Variants in ZNF486 observed in about 807,000 individuals in gnomAD.
ZNF486 encodes zinc finger protein 486.
Under a neutral mutation model 12.8 loss-of-function variants are expected in ZNF486, and 12 were observed. The ratio of observed to expected loss-of-function variants is 0.94; its 90% CI spans 0.60 to 1.52. The LOEUF (loss-of-function observed/expected upper bound fraction) is 1.52. Ranked by LOEUF, ZNF486 falls within the 40% of genes most tolerant of loss-of-function variation. ZNF486 has a pLI of 0.00. For synonymous variants in ZNF486, 231 were observed against 184.9 expected, an observed-to-expected ratio of 1.25 and a Z score of -2.02; for missense variants, 738 against 545.0, an observed-to-expected ratio of 1.35 and a Z score of -3.53.
chr19:20,184,482 G>C lies in ZNF486; in HGVS notation c.157G>C (p.Gly53Arg). 1 of 1,601,558 alleles carries C rather than the reference G, an allele frequency of 6.2e-7. No homozygotes were observed. The highest frequency in any genetic ancestry group is 1.1e-5 in the South Asian group (1 of 88,626). Residue 53 changes from glycine to arginine, a missense_variant and splice_region_variant, in exon 2 of 4, where the codon GGT becomes CGT. Transcript: ENST00000335117. ...GAACTACAGACACCTGGTCTTCCTT[G>C]GTGAGGATAACTTAAATACATAATT... ...LENYRHLVFL[G>R]IIVSKPDLIT...
intron 3 of ZNF486, among the ~76,000 whole-genome samples, chr19:20,196,577 A>G (rs147295103): frequency 1.2e-3 from 179 of 152,284 alleles, no homozygotes; most frequent in African/African-American, 4.1e-3. Context: ...TGATTCACCC[A>G]TCTCAGCCTC....
intron 3 of ZNF486, among the ~76,000 whole-genome samples, chr19:20,196,049 C>T (rs2089955280): frequency 6.6e-6 from 1 of 152,214 alleles, no homozygotes; most frequent in Admixed American, 6.5e-5. Context: ...GACAGAGTCT[C>T]ATTCTGTTAC....
At chr19:20,185,928 A>C (rs1298415438) in intron 2 of ZNF486, 59 bp from the exon 3 acceptor site, 10 of 1,087,298 alleles carry the variant, frequency 9.2e-6, no homozygotes, top group Non-Finnish European at 1.1e-5. Context: ...TGAGCACATT[A>C]CTAGCTTGTA....
intron 1 of ZNF486, 125 bp downstream of exon 1, chr19:20,167,485 C>A (rs1231535421): frequency 7.8e-6 from 9 of 1,160,118 alleles, no homozygotes; most frequent in Admixed American, 2.3e-5. Context: ...CCTTACCCAG[C>A]TCGGCCTCAG....
rs1599723008 is a variant in ZNF486, at chr19:20,200,094, G to C, written c.*1992G>C. On this transcript the variant is annotated 3_prime_UTR_variant, in exon 4 of 4. Coordinates refer to ENST00000335117, the MANE Select transcript of ZNF486 (RefSeq NM_052852.4). ...CCATCTCAAAAAAAAAAGTGTATTT[G>C]TTTCCTTAAAAAAATTTTTCTGAAA... 6.6e-6 allele frequency: 1 copy of C among 151,414 alleles called. No homozygotes were observed. Among genetic ancestry groups the C allele is most frequent in the Non-Finnish European group, 1.5e-5 (1 of 67,644 alleles). 9.4% of individuals were successfully genotyped at this position (151,414 alleles called of 1,614,324 possible).
intron 3 of ZNF486, among the ~76,000 whole-genome samples, chr19:20,186,302 G>A (rs1213214118): frequency 2.6e-5 from 4 of 151,860 alleles, no homozygotes; most frequent in Non-Finnish European, 1.5e-5. Flanking sequence ...CTATTCTTTC[G>A]GTGAGCTTCC....
At chr19:20,171,280 G>C (rs2089645110) in intron 1 of ZNF486, among the ~76,000 whole-genome samples, 1 of 152,154 alleles carries the variant, frequency 6.6e-6, no homozygotes, top group African/African-American at 2.4e-5. Flanking sequence ...TCTTCTCCCA[G>C]GGTGACAGAG....
rs948260619 is a variant in ZNF486, at chr19:20,170,091, C to T, written c.30+2731C>T. 1.5e-4 allele frequency among the ~76,000 whole-genome samples: 22 copies of T among 151,250 alleles called. 1 individual carries two copies. Among genetic ancestry groups the T allele is most frequent in the Non-Finnish European group, 1.8e-4 (12 of 67,704 alleles). ...TATTTTTAGTAGAGACGGGTTTCAC[C>T]GTGTTAGCCAGGATGGTCTCGATCT... is the stretch of plus-strand genomic sequence containing the variant. On this transcript the variant is annotated intron_variant, in intron 1 of 3. Transcript: ENST00000335117.
At chr19:20,169,944 G>T (rs924098441) in intron 1 of ZNF486, among the ~76,000 whole-genome samples, 5 of 145,092 alleles carry the variant, frequency 3.4e-5, no homozygotes, top group African/African-American at 1.0e-4. Flanking sequence ...AGGCTGGAGT[G>T]CAGTGGCGCG....
At position 20,167,455 on chromosome 19, in the gene ZNF486, C is replaced by G; in HGVS notation, c.30+95C>G. ...TCAGGCCTCCCCGTAGTCAGCTCCA[C>G]AATCTGCGTCCGGACTTCTCCTTAC... On this transcript the variant is annotated intron_variant, in intron 1 of 3. Transcript: ENST00000335117. The G allele has an allele frequency of 6.3e-6, 9 of 1,426,092 alleles. 2 individuals carry two copies. In the South Asian group the frequency reaches 1.1e-4, roughly 18 times the overall value. The allele number at this position is 1,426,092 out of a possible 1,614,324, so 88.3% of individuals were successfully genotyped here.
At chr19:20,186,307 G>A (rs1555716435) in intron 3 of ZNF486, among the ~76,000 whole-genome samples, 1 of 152,132 alleles carries the variant, frequency 6.6e-6, no homozygotes, top group Non-Finnish European at 1.5e-5. Flanking sequence ...CTTTCGGTGA[G>A]CTTCCTTCAA....
At chr19:20,169,399 G>A (rs1470957401) in intron 1 of ZNF486, among the ~76,000 whole-genome samples, 2 of 152,020 alleles carry the variant, frequency 1.3e-5, no homozygotes, top group African/African-American at 4.8e-5. Context: ...TTGCGCCACC[G>A]CGCCCGGCCA....
At chr19:20,191,010 A>G (rs1555717109) in intron 3 of ZNF486, among the ~76,000 whole-genome samples, 1 of 152,086 alleles carries the variant, frequency 6.6e-6, no homozygotes, top group Non-Finnish European at 1.5e-5. Context: ...AAGAACCTGG[A>G]TCCTTCACCT....
intron 1 of ZNF486, among the ~76,000 whole-genome samples, chr19:20,167,671 A>G (rs781928195): frequency 6.6e-6 from 1 of 152,080 alleles, no homozygotes; most frequent in Non-Finnish European, 1.5e-5. Flanking sequence ...ATCAGGGGAG[A>G]ATCTTGACTC....
chr19:20,184,189 A>G (rs1175565931), intron 1 of ZNF486, among the ~76,000 whole-genome samples, 167 bp from the exon 2 acceptor site: 1 of 152,118 alleles, frequency 6.6e-6, no homozygotes, highest in African/African-American at 2.4e-5. Flanking sequence ...TTTTTCAGAG[A>G]TAGAGAATAC....
intron 1 of ZNF486, among the ~76,000 whole-genome samples, chr19:20,173,018 G>T (rs781899725): frequency 2.6e-5 from 4 of 152,122 alleles, no homozygotes; most frequent in African/African-American, 4.8e-5. Context: ...TTTGTAGATT[G>T]TTTACTCTGT....
At chr19:20,181,638 G>A (rs1452962788) in intron 1 of ZNF486, among the ~76,000 whole-genome samples, 2 of 151,952 alleles carry the variant, frequency 1.3e-5, no homozygotes, top group South Asian at 2.1e-4. Context: ...ATTCTATTTA[G>A]CAACTTGTTT....
chr19:20,176,969 T>A (rs1555714927), intron 1 of ZNF486: 1 of 152,232 alleles, frequency 6.6e-6, no homozygotes, highest in Non-Finnish European at 1.5e-5. Flanking sequence ...CTTGTCACCA[T>A]TATAAGTAGA....
chr19:20,186,132 C>T lies in ZNF486; in HGVS notation c.253+50C>T, dbSNP rs2089843367. On this transcript the variant is annotated intron_variant, in intron 3 of 3. Transcript: ENST00000335117. ...AACAGACAATGCAGATAAGAGGTCC[C>T]AAGGTCAAAAAGAAAGCCAGTCCTT... 2 of 1,438,984 alleles carry T rather than the reference C, an allele frequency of 1.4e-6. 1 individual carries two copies. The highest frequency in any genetic ancestry group is 2.9e-5 in the South Asian group (2 of 69,016). 89.1% of individuals were successfully genotyped at this position (1,438,984 alleles called of 1,614,324 possible).
Sources: gnomAD v4.1 joint callset for allele counts (sites outside exome capture counted in the v4.1 genomes callset) on GRCh38, gnomAD v4.1.1 for gene constraint, MANE v1.5 for transcripts, NCBI Gene and HGNC (gene_info 2026-07-23, HGNC 2026-07-21) for gene names.